Variants in METAP1D observed in about 807,000 individuals in gnomAD.
METAP1D encodes the protein methionine aminopeptidase 1D, mitochondrial.
In METAP1D, 31 loss-of-function variants were observed where a neutral mutation model predicts 40.5. The observed-to-expected ratio is 0.77, with a 90% CI of 0.58 to 1.03. The LOEUF is 1.03. METAP1D is among the 50% of genes least tolerant of loss of function. METAP1D has a pLI of 0.00. For synonymous variants in METAP1D, 151 were observed against 146.4 expected (o/e 1.03, Z -0.22); for missense variants, 411 against 420.7 (o/e 0.98, Z 0.20).
At chr2:172,072,750 C>T (rs973015094) in intron 6 of METAP1D, among the ~76,000 whole-genome samples, 1 of 151,946 alleles carries the variant, frequency 6.6e-6, no homozygotes, top group Non-Finnish European at 1.5e-5. Context: ...TTCTTTTTCC[C>T]CCATTGAAGG....
At chr2:172,079,137 G>T in intron 7 of METAP1D, 78 bp from the exon 8 acceptor site, 3 of 1,461,280 alleles carry the variant, frequency 2.1e-6, no homozygotes, top group East Asian at 2.3e-5. Context: ...TTTTAAAGGG[G>T]CCTGACCCCT....
At position 172,043,991 on chromosome 2, in the gene METAP1D, G is replaced by A. The variant is rs1045219497; in HGVS notation, c.41-17507G>A. 3.0e-5 allele frequency among the ~76,000 whole-genome samples: 4 copies of A among 134,430 alleles called. 1 individual carries two copies. Among genetic ancestry groups the A allele is most frequent in the Non-Finnish European group, 6.9e-5 (4 of 57,644 alleles). The allele number at this position is 134,430 out of a possible 152,430, so 88.2% of individuals were successfully genotyped here. On this transcript the variant is annotated intron_variant, in intron 1 of 9. Coordinates refer to ENST00000315796, the MANE Select transcript of METAP1D (RefSeq NM_199227.3). ...GCCTGTAGTCCCAGCTACTTGGGAG[G>A]CTGAGGCAGGAGGATTGCTTGAGCC...
intron 1 of METAP1D, among the ~76,000 whole-genome samples, chr2:172,057,227 A>G (rs1182120028): frequency 6.6e-6 from 1 of 152,244 alleles, no homozygotes; most frequent in Non-Finnish European, 1.5e-5. Context: ...GAGGTAATGT[A>G]TGTAGAGCAC....
At chr2:172,063,290 A>G (rs1341288175) in intron 2 of METAP1D, among the ~76,000 whole-genome samples, 2 of 152,206 alleles carry the variant, frequency 1.3e-5, no homozygotes, top group African/African-American at 2.4e-5. Flanking sequence ...GTTGGGAGCT[A>G]TCTTTTGCAT....
Position 172,042,145 on chromosome 2 carries a change from A to G in METAP1D, c.41-19353A>G, listed in dbSNP as rs1436084706. Among the ~76,000 whole-genome samples the G allele has an allele frequency of 3.3e-5, 4 of 120,234 alleles. 1 individual carries two copies. Among genetic ancestry groups the G allele is most frequent in the African/African-American group, 1.1e-4 (4 of 36,894 alleles). The allele number at this position is 120,234 out of a possible 152,430, so 78.9% of individuals were successfully genotyped here. A position where few individuals can be genotyped will look rare whatever the true frequency, so the allele number is the denominator to read the frequency against. ...TTTTAAAAAATATATGTATATATAC[A>G]TATGTATGTGTACATGTGTACACAT... On this transcript the variant is annotated intron_variant, in intron 1 of 9. Transcript: ENST00000315796.
intron 1 of METAP1D, among the ~76,000 whole-genome samples, chr2:172,048,822 T>C (rs957395464): frequency 6.6e-6 from 1 of 152,220 alleles, no homozygotes; most frequent in Non-Finnish European, 1.5e-5. Context: ...TATGAGATGA[T>C]GAATTTGTCA....
chr2:172,068,228 A>G (rs1690334422), intron 5 of METAP1D, among the ~76,000 whole-genome samples: 1 of 152,050 alleles, frequency 6.6e-6, no homozygotes. Context: ...TACTAAAAAT[A>G]CTAAAAATAT....
intron 1 of METAP1D, among the ~76,000 whole-genome samples, chr2:172,041,726 T>TTATA (rs67708838): frequency 0.026 from 991 of 37,456 alleles, 48 homozygotes; most frequent in Middle Eastern, 0.034. Context: ...TCTAATTATT[T>TTATA]TATATATATA....
chr2:172,000,598 C>T (rs931831797), intron 1 of METAP1D, among the ~76,000 whole-genome samples: 2 of 152,138 alleles, frequency 1.3e-5, no homozygotes, highest in Admixed American at 1.3e-4. Flanking sequence ...GAACTAGGTG[C>T]TGAATCTTTG....
Position 172,080,192 on chromosome 2 carries a change from C to A in METAP1D, c.915C>A (p.Ser305=), listed in dbSNP as rs745923371. 5.0e-6 allele frequency: 8 copies of A among 1,614,210 alleles called. No homozygotes were observed. In the Admixed American group the frequency reaches 1.2e-4, roughly 24 times the overall value. ...KVLEDAWTVV[S]LDNQRSAQFE... is the part of the protein sequence containing the mutation. ...TGGAGGATGCATGGACTGTGGTCTCCCTAGACAATCAAAGGTGTTTGCTTT... is the reference window on the plus strand; with the variant it reads ...TGGAGGATGCATGGACTGTGGTCTCACTAGACAATCAAAGGTGTTTGCTTT... Residue 305 remains serine, a synonymous_variant, in exon 9 of 10, where the codon TCC becomes TCA. Coordinates refer to ENST00000315796, the MANE Select transcript of METAP1D (RefSeq NM_199227.3).
In METAP1D at chr2:172,022,634, G is replaced by A. The variant is rs563875290; in HGVS notation, c.40+22625G>A. Among the ~76,000 whole-genome samples, 6 of 152,136 alleles carry A rather than the reference G, an allele frequency of 3.9e-5. No individual in the cohort carries two copies. The East Asian group carries it at 1.2e-3, about 29-fold the overall frequency. ...TGCAATCTGGGTTGTATTAGATTTG[G>A]AATCATAATAAAAATGTAAATATTA... is the stretch of plus-strand genomic sequence containing the variant. On this transcript the variant is annotated intron_variant, in intron 1 of 9. Transcript: ENST00000315796.
chr2:172,024,848 T>G (rs974374537), intron 1 of METAP1D, among the ~76,000 whole-genome samples: 1 of 151,942 alleles, frequency 6.6e-6, no homozygotes, highest in Admixed American at 6.6e-5. Context: ...GCCAAACTTT[T>G]AAAAGCTAAT....
chr2:172,028,066 A>C (rs1436643061), intron 1 of METAP1D, among the ~76,000 whole-genome samples: 4 of 152,230 alleles, frequency 2.6e-5, no homozygotes, highest in African/African-American at 9.6e-5. Flanking sequence ...ATGGGGAAAC[A>C]ATAGACGCAA....
At chr2:172,015,328 C>T (rs1474826571) in intron 1 of METAP1D, among the ~76,000 whole-genome samples, 2 of 152,146 alleles carry the variant, frequency 1.3e-5, no homozygotes, top group Non-Finnish European at 2.9e-5. Flanking sequence ...AGGAGAATCA[C>T]TTGAACCCAG....
chr2:172,061,982 A>C (rs116561704), intron 2 of METAP1D: 3,861 of 165,484 alleles, frequency 0.023, 73 homozygotes, highest in Admixed American at 0.035. Flanking sequence ...AAAAAAATTG[A>C]CTATAAAATT....
At chr2:172,001,308 G>A (rs1688455326) in intron 1 of METAP1D, among the ~76,000 whole-genome samples, 1 of 152,036 alleles carries the variant, frequency 6.6e-6, no homozygotes, top group South Asian at 2.1e-4. Flanking sequence ...GGGAGGCCGA[G>A]GCAGGTGGCT....
rs766010556 is a variant in METAP1D, at chr2:172,065,644, G to A, written c.389G>A (p.Arg130Gln). Residue 130 changes from arginine to glutamine, a missense_variant, in exon 4 of 10, where the codon CGG (arginine) becomes CAG (glutamine). Coordinates refer to ENST00000315796, the MANE Select transcript of METAP1D (RefSeq NM_199227.3). ...GAAGAGATAGATGCTCTTGTTCATC[G>A]GGAAATCATCAGTCATAATGCCTAT... Reference protein sequence around the residue: ...TTEEIDALVHREIISHNAYPS... With the variant: ...TTEEIDALVHQEIISHNAYPS... The A allele has an allele frequency of 9.3e-6, 15 of 1,613,672 alleles. No homozygotes were observed. The highest frequency in any genetic ancestry group is 5.3e-5 in the African/African-American group (4 of 74,892).
intron 1 of METAP1D, among the ~76,000 whole-genome samples, chr2:172,030,082 A>AT (rs1389679493): frequency 1.4e-5 from 2 of 142,270 alleles, no homozygotes; most frequent in Non-Finnish European, 3.1e-5. Flanking sequence ...ATTTTATTTT[A>AT]TTTATTTATT....
chr2:172,061,317 G>A (rs959924715), intron 1 of METAP1D, among the ~76,000 whole-genome samples, 181 bp from the exon 2 acceptor site: 1 of 152,136 alleles, frequency 6.6e-6, no homozygotes, highest in African/African-American at 2.4e-5. Flanking sequence ...TAATAAATAC[G>A]CTGTGTTACT....
Sources: allele counts gnomAD v4.1 joint callset (sites outside exome capture counted in the v4.1 genomes callset), GRCh38; gene constraint gnomAD v4.1.1; transcripts MANE v1.5; gene names NCBI Gene and HGNC (gene_info 2026-07-23, HGNC 2026-07-21).